The following TAF3 variants were observed in gnomAD, a reference collection of about 807,000 sequenced individuals.
TAF3 encodes the protein transcription initiation factor TFIID subunit 3.
In TAF3, 7 loss-of-function variants were observed where a neutral mutation model predicts 80.6. That is an observed-to-expected ratio of 0.09 (90% CI 0.05 to 0.16). The LOEUF is 0.16. Among genes scored for constraint, TAF3 ranks in the 10% least tolerant of loss-of-function variants. TAF3 has a pLI of 1.00. For synonymous variants in TAF3, 444 were observed against 446.1 expected, an observed-to-expected ratio of 1.00 and a Z score of 0.06; for missense variants, 921 against 1,140.2, an observed-to-expected ratio of 0.81 and a Z score of 2.77.
At chr10:7,834,115 A>T (rs1836827863) in intron 2 of TAF3, among the ~76,000 whole-genome samples, 1 of 152,140 alleles carries the variant, frequency 6.6e-6, no homozygotes, top group Admixed American at 6.5e-5. Flanking sequence ...CCCTTGTCAG[A>T]TGTGTGGGTG....
At chr10:7,819,687 G>A (rs754279721) in intron 1 of TAF3, among the ~76,000 whole-genome samples, 1 of 152,180 alleles carries the variant, frequency 6.6e-6, no homozygotes, top group Non-Finnish European at 1.5e-5. Flanking sequence ...TTGATGTGAA[G>A]CATTGTATGT....
At chr10:7,988,942 T>A (rs1425672923) in intron 4 of TAF3, among the ~76,000 whole-genome samples, 4 of 152,134 alleles carry the variant, frequency 2.6e-5, no homozygotes, top group Non-Finnish European at 5.9e-5. Context: ...ACAGTAAAAA[T>A]TTTTTCTGTA....
At chr10:7,979,944 A>G (rs887083209) in intron 4 of TAF3, among the ~76,000 whole-genome samples, 8 of 152,130 alleles carry the variant, frequency 5.3e-5, no homozygotes, top group African/African-American at 1.9e-4. Flanking sequence ...GGCTGGAAAA[A>G]AATTAAAAGA....
At chr10:7,858,789 C>G (rs1322199613) in intron 2 of TAF3, among the ~76,000 whole-genome samples, 6 of 150,612 alleles carry the variant, frequency 4.0e-5, no homozygotes, top group Non-Finnish European at 8.8e-5. Flanking sequence ...TCAGATTTCA[C>G]TGGTACATTA....
chr10:8,014,773 A>G lies in TAF3; in HGVS notation c.*22A>G. 1 of 1,559,078 alleles carries G rather than the reference A, an allele frequency of 6.4e-7. No homozygotes were observed. The highest frequency in any genetic ancestry group is 8.7e-7 in the Non-Finnish European group (1 of 1,150,784). The stretch of plus-strand genomic sequence containing the variant: ...CTGACGACTCCCGAGGGGCTGGACC[A>G]AGCGGGGTCAGCCCGGGCTTCTTCC... On this transcript the variant is annotated 3_prime_UTR_variant, in exon 7 of 7. Coordinates refer to ENST00000344293, the MANE Select transcript of TAF3 (RefSeq NM_031923.4).
At chr10:7,968,482 C>G (rs553447062) in intron 3 of TAF3, among the ~76,000 whole-genome samples, 1 of 152,260 alleles carries the variant, frequency 6.6e-6, no homozygotes, top group Non-Finnish European at 1.5e-5. Flanking sequence ...GAATAAGATC[C>G]AGGACAAGTT....
intron 3 of TAF3, among the ~76,000 whole-genome samples, chr10:7,974,488 A>G (rs972140162): frequency 2.0e-5 from 3 of 152,172 alleles, no homozygotes; most frequent in African/African-American, 7.2e-5. Context: ...CGTATTTTAA[A>G]CTTACTTTCG....
intron 2 of TAF3, among the ~76,000 whole-genome samples, chr10:7,935,647 G>A (rs1447901569): frequency 6.6e-6 from 1 of 152,054 alleles, no homozygotes; most frequent in Non-Finnish European, 1.5e-5. Flanking sequence ...ATACTGGGGG[G>A]TTCATATTTT....
At chr10:7,819,377 C>T (rs1564339711) in intron 1 of TAF3, among the ~76,000 whole-genome samples, 1 of 152,172 alleles carries the variant, frequency 6.6e-6, no homozygotes, top group African/African-American at 2.4e-5. Flanking sequence ...GGGACACTGC[C>T]TCGTCTTTCT....
At chr10:7,987,096 C>T (rs1294422899) in intron 4 of TAF3, among the ~76,000 whole-genome samples, 1 of 152,060 alleles carries the variant, frequency 6.6e-6, no homozygotes, top group Non-Finnish European at 1.5e-5. Context: ...CCAAGGCAGG[C>T]AGATCACTTG....
chr10:7,858,522 C>T (rs1171421070), intron 2 of TAF3, among the ~76,000 whole-genome samples: 2 of 152,186 alleles, frequency 1.3e-5, no homozygotes, highest in Non-Finnish European at 2.9e-5. Flanking sequence ...TAGGTACTTT[C>T]TGAACTGGGA....
At chr10:7,860,830 C>T (rs1236551584) in intron 2 of TAF3, among the ~76,000 whole-genome samples, 5 of 149,356 alleles carry the variant, frequency 3.3e-5, no homozygotes, top group Admixed American at 2.0e-4. Flanking sequence ...AATAGAGTCT[C>T]GCTCTGTCAC....
intron 2 of TAF3, among the ~76,000 whole-genome samples, chr10:7,842,710 A>G (rs1433620679): frequency 6.6e-6 from 1 of 152,176 alleles, no homozygotes; most frequent in Admixed American, 6.5e-5. Flanking sequence ...AATAAGATAT[A>G]TCTGTTATTT....
chr10:7,998,914 A>C (rs964932126), intron 4 of TAF3, among the ~76,000 whole-genome samples: 10 of 152,208 alleles, frequency 6.6e-5, no homozygotes, highest in East Asian at 1.9e-4. Context: ...AGGTAAGGCA[A>C]ATAATATTCA....
chr10:8,015,698 G>A lies in TAF3; in HGVS notation c.*947G>A, dbSNP rs913631305. On this transcript the variant is annotated 3_prime_UTR_variant, in exon 7 of 7. Coordinates refer to ENST00000344293, the MANE Select transcript of TAF3 (RefSeq NM_031923.4). ...CTTGAGCTCAGCCTGCGCAGTGCCC[G>A]GAAACATGGTGGGGAAAGGGCCCGA... 3.9e-5 allele frequency: 6 copies of A among 152,092 alleles called. No individual in the cohort carries two copies. The highest frequency in any genetic ancestry group is 1.9e-4 in the East Asian group (1 of 5,198). 9.4% of individuals were successfully genotyped at this position (152,092 alleles called of 1,614,324 possible). A position where few individuals can be genotyped will look rare whatever the true frequency, so the allele number is the denominator to read the frequency against.
intron 2 of TAF3, among the ~76,000 whole-genome samples, chr10:7,931,467 T>C (rs1272895837): frequency 6.6e-6 from 1 of 152,234 alleles, no homozygotes; most frequent in Non-Finnish European, 1.5e-5. Flanking sequence ...AATTGTGACA[T>C]TGCATCTCGG....
intron 4 of TAF3, among the ~76,000 whole-genome samples, chr10:7,990,622 CTT>C (rs1238127897): frequency 1.3e-5 from 2 of 152,130 alleles, no homozygotes; most frequent in African/African-American, 4.8e-5. Flanking sequence ...AAAAATGGCT[CTT>C]AAATAAGAAA....
intron 2 of TAF3, among the ~76,000 whole-genome samples, chr10:7,920,965 AG>A (rs1837757264): frequency 6.6e-6 from 1 of 152,158 alleles, no homozygotes; most frequent in African/African-American, 2.4e-5. Context: ...TGAGGTGGTT[AG>A]GGGTTGGGCC....
At chr10:7,905,258 A>G (rs1328005755) in intron 2 of TAF3, among the ~76,000 whole-genome samples, 1 of 152,214 alleles carries the variant, frequency 6.6e-6, no homozygotes, top group Non-Finnish European at 1.5e-5. Flanking sequence ...AGCGGTAAAC[A>G]GAAGAGTGAC....
Sources: gnomAD v4.1 joint callset for allele counts (sites outside exome capture counted in the v4.1 genomes callset) on GRCh38, gnomAD v4.1.1 for gene constraint, MANE v1.5 for transcripts, NCBI Gene and HGNC (gene_info 2026-07-23, HGNC 2026-07-21) for gene names.